Variants in LRRC7 observed in about 807,000 individuals in gnomAD.
The protein encoded by LRRC7 is leucine-rich repeat-containing protein 7.
Under a neutral mutation model 175.7 loss-of-function variants are expected in LRRC7, and 23 were observed. The ratio of observed to expected loss-of-function variants is 0.13; its 90% CI spans 0.09 to 0.19. The LOEUF (loss-of-function observed/expected upper bound fraction) is 0.19. Among genes scored for constraint, LRRC7 ranks in the 10% least tolerant of loss-of-function variants. The pLI is 1.00. For missense variants in LRRC7, 1,354 were observed against 1,904.7 expected (o/e 0.71, Z 5.38); for synonymous variants, 685 against 680.9 (o/e 1.01, Z -0.09).
At chr1:69,689,034 A>G (rs900039185) in intron 2 of LRRC7, among the ~76,000 whole-genome samples, 1 of 152,194 alleles carries the variant, frequency 6.6e-6, no homozygotes, top group Non-Finnish European at 1.5e-5. Flanking sequence ...TGTCACAGTG[A>G]CTTCCAGGCA....
intron 7 of LRRC7, chr1:69,875,010 C>G (rs1685919712): frequency 6.6e-6 from 1 of 152,008 alleles, no homozygotes; most frequent in Non-Finnish European, 1.5e-5. Flanking sequence ...CCTGACATTG[C>G]TGTAGAATAA....
intron 23 of LRRC7, among the ~76,000 whole-genome samples, chr1:70,067,184 C>T (rs1382197483): frequency 5.3e-5 from 8 of 152,014 alleles, no homozygotes; most frequent in African/African-American, 1.9e-4. Flanking sequence ...ATTCTAGGTA[C>T]TATCCTCTAT....
Position 69,955,114 on chromosome 1 carries a change from A to G in LRRC7, c.711+23544A>G, listed in dbSNP as rs1409096221. On this transcript the variant is annotated intron_variant, in intron 8 of 26. Transcript: ENST00000651989. ...TTATATGCCACACACAGAGCATAGC[A>G]CTTGATATATAAGTGCTCAATAAAT... Among the ~76,000 whole-genome samples, 8 of 152,222 alleles carry G rather than the reference A, an allele frequency of 5.3e-5. No homozygotes were observed. The East Asian group carries it at 1.3e-3, about 26-fold the overall frequency.
Position 69,678,406 on chromosome 1 carries a change from A to G in LRRC7, c.28A>G (p.Asn10Asp). The change falls in exon 2 of 27, where the codon AAT (asparagine) becomes GAT (aspartate). Residue 10 changes from asparagine (N) to aspartate (D), a missense_variant. Asn to Asp is a conservative substitution (Grantham distance 23). Coordinates refer to ENST00000651989, the MANE Select transcript of LRRC7 (RefSeq NM_001370785.2). ...GATGGAGAACCTAATAAGGGGAAGG[A>G]ATCCCCCGCAATACCAGAGAAGTCC... MMENLIRGR[N>D]PPQYQRSPCK... 6.2e-7 allele frequency: 1 copy of G among 1,601,466 alleles called. No individual in the cohort carries two copies. The highest frequency in any genetic ancestry group is 8.5e-7 in the Non-Finnish European group (1 of 1,173,918).
rs149679977 is a variant in LRRC7 at position 70,039,376 on chromosome 1, C to T, written c.3552C>T (p.Pro1184=). ...ELPPTDRYGR[P]PYRGGLDRQS... ...CCCCAACTGATAGGTACGGCAGACC[C>T]CCATATAGGGGAGGGCTGGATCGCC... The change falls in exon 21 of 27, where the codon CCC becomes CCT. Residue 1184 remains proline (P), a synonymous_variant. Coordinates refer to ENST00000651989, the MANE Select transcript of LRRC7 (RefSeq NM_001370785.2). 4.1e-4 allele frequency: 666 copies of T among 1,613,898 alleles called. No individual in the cohort carries two copies. Among genetic ancestry groups the T allele is most frequent in the Non-Finnish European group, 5.4e-4 (633 of 1,180,010 alleles).
chr1:69,740,996 T>G (rs950363308), intron 2 of LRRC7, among the ~76,000 whole-genome samples: 15 of 151,948 alleles, frequency 9.9e-5, no homozygotes, highest in African/African-American at 3.6e-4. Context: ...AAATAATAAA[T>G]AACGAATATT....
rs539585156 is a variant in LRRC7, at chr1:70,076,598, A to G, written c.4452+300A>G. 3.9e-5 allele frequency among the ~76,000 whole-genome samples: 6 copies of G among 152,342 alleles called. No individual in the cohort carries two copies. In the East Asian group the frequency reaches 9.6e-4, roughly 24 times the overall value. On this transcript the variant is annotated intron_variant, in intron 24 of 26. Coordinates refer to ENST00000651989, the MANE Select transcript of LRRC7 (RefSeq NM_001370785.2). ...ACTCCTAACTCCAATTTAGCTCTACAGTACAGATTTTGAATGTTATAAAGG... is the reference window on the plus strand; with the variant it reads ...ACTCCTAACTCCAATTTAGCTCTACGGTACAGATTTTGAATGTTATAAAGG...
At chr1:70,092,014 T>C (rs1664063593) in intron 25 of LRRC7, among the ~76,000 whole-genome samples, 1 of 152,122 alleles carries the variant, frequency 6.6e-6, no homozygotes, top group Non-Finnish European at 1.5e-5. Context: ...TTTGGTTAAC[T>C]GTTCAGAGGA....
chr1:69,940,636 A>T (rs950206297), intron 8 of LRRC7, among the ~76,000 whole-genome samples: 2 of 152,048 alleles, frequency 1.3e-5, no homozygotes, highest in African/African-American at 4.8e-5. Context: ...TGCAAAAATA[A>T]AAAAAATCAG....
chr1:69,823,225 T>C (rs2101224550), intron 4 of LRRC7, among the ~76,000 whole-genome samples: 1 of 152,356 alleles, frequency 6.6e-6, no homozygotes, highest in South Asian at 2.1e-4. Context: ...GTTCCTTTCG[T>C]ATTTTCTATC....
chr1:70,054,828 G>C (rs1209861766), intron 23 of LRRC7, among the ~76,000 whole-genome samples: 2 of 148,822 alleles, frequency 1.3e-5, no homozygotes, highest in Non-Finnish European at 3.0e-5. Context: ...CTGACCTCCT[G>C]ATCCACCCGC....
At chr1:69,980,243 T>C in intron 8 of LRRC7, 136 bp from the exon 9 acceptor site, 1 of 742,710 alleles carries the variant, frequency 1.3e-6, no homozygotes. Context: ...CTGTTAAAGG[T>C]GGAATTTCTT....
intron 2 of LRRC7, among the ~76,000 whole-genome samples, chr1:69,699,031 T>C (rs1183051837): frequency 2.6e-5 from 4 of 152,240 alleles, no homozygotes; most frequent in African/African-American, 9.6e-5. Context: ...GATTTATATA[T>C]ACTTTAAGTT....
chr1:70,063,698 A>T (rs1489749850), intron 23 of LRRC7, among the ~76,000 whole-genome samples: 1 of 152,070 alleles, frequency 6.6e-6, no homozygotes, highest in African/African-American at 2.4e-5. Flanking sequence ...TCAAACTTTT[A>T]TCGTTACTCT....
intron 7 of LRRC7, among the ~76,000 whole-genome samples, chr1:69,929,299 A>C (rs1570699088): frequency 6.6e-6 from 1 of 152,160 alleles, no homozygotes; most frequent in African/African-American, 2.4e-5. Context: ...TTGTTTATGC[A>C]ACTGAATGAT....
At chr1:69,998,387 T>TTGAATTTA (rs1422280157) in intron 11 of LRRC7, among the ~76,000 whole-genome samples, 1 of 152,192 alleles carries the variant, frequency 6.6e-6, no homozygotes, top group African/African-American at 2.4e-5. Flanking sequence ...ACTCAGATGT[T>TTGAATTTA]CAGACTTTGA....
intron 4 of LRRC7, among the ~76,000 whole-genome samples, chr1:69,820,105 T>C (rs1239207791): frequency 6.6e-6 from 1 of 152,104 alleles, no homozygotes; most frequent in Non-Finnish European, 1.5e-5. Context: ...AGTTTCTTTG[T>C]TCTTTCTTTT....
At position 69,850,593 on chromosome 1, in the gene LRRC7, T is replaced by G. The variant is rs1033704500; in HGVS notation, c.647+12310T>G. Among the ~76,000 whole-genome samples, 3 of 151,942 alleles carry G rather than the reference T, an allele frequency of 2.0e-5. No individual in the cohort carries two copies. In the South Asian group the frequency reaches 6.2e-4, roughly 31 times the overall value. The stretch of plus-strand genomic sequence containing the variant: ...AGATTGCAGTTATGGAGACAATGAG[T>G]GGGAAGATTTGTGACCCATTTTGGA... On this transcript the variant is annotated intron_variant, in intron 7 of 26. Transcript: ENST00000651989.
chr1:69,689,115 A>C (rs1366492124), intron 2 of LRRC7, among the ~76,000 whole-genome samples: 1 of 152,216 alleles, frequency 6.6e-6, no homozygotes, highest in South Asian at 2.1e-4. Flanking sequence ...CATTGTCATC[A>C]TCTTCAGTTT....
Sources: allele counts gnomAD v4.1 joint callset (sites outside exome capture counted in the v4.1 genomes callset), GRCh38; gene constraint gnomAD v4.1.1; transcripts MANE v1.5; gene names NCBI Gene and HGNC (gene_info 2026-07-23, HGNC 2026-07-21).